PLEKHA7: variants seen among roughly 807,000 people sequenced by gnomAD.
PLEKHA7 encodes the protein pleckstrin homology domain-containing family A member 7.
In PLEKHA7, 104 loss-of-function variants were observed where a neutral mutation model predicts 170.0. That is an observed-to-expected ratio of 0.61 (90% CI 0.52 to 0.72). The LOEUF is 0.72. Among genes scored for constraint, PLEKHA7 ranks in the 30% least tolerant of loss-of-function variants. The pLI is 0.00. For synonymous variants in PLEKHA7, 648 were observed against 660.8 expected (o/e 0.98, Z 0.30); for missense variants, 1,615 against 1,671.7 (o/e 0.97, Z 0.59).
intron 3 of PLEKHA7, among the ~76,000 whole-genome samples, chr11:16,956,820 C>T (rs759263229): frequency 3.3e-5 from 5 of 152,130 alleles, no homozygotes; most frequent in East Asian, 1.9e-4. Context: ...AGGTCTCTGG[C>T]GGTTATAATG....
Position 16,851,185 on chromosome 11 carries a change from C to T in PLEKHA7, c.696+6G>A. On this transcript the variant is annotated splice_donor_region_variant and intron_variant, in intron 8 of 26. Transcript: ENST00000531066. ...AATGGCTGCATTAGAGGTGCAGGGG[C>T]AGTACCTTAAAGGAATATTTGCGGC... is the stretch of plus-strand genomic sequence containing the variant. 1.3e-6 allele frequency: 2 copies of T among 1,595,500 alleles called. No individual in the cohort carries two copies. Among genetic ancestry groups the T allele is most frequent in the Non-Finnish European group, 1.7e-6 (2 of 1,169,418 alleles).
chr11:16,810,548 C>G (rs1849298075), intron 13 of PLEKHA7, among the ~76,000 whole-genome samples: 1 of 152,198 alleles, frequency 6.6e-6, no homozygotes, highest in African/African-American at 2.4e-5. Flanking sequence ...AACTTAGCAA[C>G]CGGGGTAGCA....
At chr11:16,883,515 C>G (rs1392398063) in intron 3 of PLEKHA7, among the ~76,000 whole-genome samples, 1 of 152,174 alleles carries the variant, frequency 6.6e-6, no homozygotes, top group Non-Finnish European at 1.5e-5. Context: ...GCCTCTTTAT[C>G]TCTCACTGCT....
intron 3 of PLEKHA7, among the ~76,000 whole-genome samples, chr11:16,950,097 C>T (rs1323697329): frequency 4.6e-5 from 4 of 87,054 alleles, no homozygotes; most frequent in East Asian, 5.4e-4. Context: ...GGGGCGGGGG[C>T]GGAGCACAGA....
At chr11:16,830,306 A>T (rs1398856574) in intron 9 of PLEKHA7, among the ~76,000 whole-genome samples, 1 of 152,096 alleles carries the variant, frequency 6.6e-6, no homozygotes, top group Non-Finnish European at 1.5e-5. Flanking sequence ...TATTTCTCAC[A>T]TCCAGGAAAC....
At chr11:16,794,850 ACCCT>A in intron 18 of PLEKHA7, 56 bp downstream of exon 18, 2 of 1,182,722 alleles carry the variant, frequency 1.7e-6, no homozygotes, top group Non-Finnish European at 1.2e-6. Flanking sequence ...CCAGCCTTCC[ACCCT>A]CCCACCACCC....
At chr11:17,006,149 C>A (rs1047765176) in intron 3 of PLEKHA7, among the ~76,000 whole-genome samples, 5 of 151,698 alleles carry the variant, frequency 3.3e-5, no homozygotes, top group African/African-American at 4.8e-5. Flanking sequence ...GGCGGGTGGA[C>A]AGCCTGAGGT....
At chr11:16,891,369 G>A (rs1041006409) in intron 3 of PLEKHA7, among the ~76,000 whole-genome samples, 4 of 152,166 alleles carry the variant, frequency 2.6e-5, no homozygotes, top group African/African-American at 9.7e-5. Flanking sequence ...TGCCTCTATA[G>A]GCCAGGAATG....
intron 3 of PLEKHA7, among the ~76,000 whole-genome samples, chr11:16,876,721 A>T (rs78089595): frequency 0.028 from 4,198 of 152,340 alleles, 100 homozygotes; most frequent in African/African-American, 0.063. Flanking sequence ...ACCTACAATG[A>T]CAGACAAGGC....
intron 3 of PLEKHA7, among the ~76,000 whole-genome samples, chr11:16,999,835 T>A (rs1275664322): frequency 6.6e-6 from 1 of 152,146 alleles, no homozygotes; most frequent in Non-Finnish European, 1.5e-5. Context: ...TCAGTGTCCA[T>A]AAGAATCACC....
At chr11:16,909,095 G>A (rs1858067629) in intron 3 of PLEKHA7, among the ~76,000 whole-genome samples, 1 of 152,168 alleles carries the variant, frequency 6.6e-6, no homozygotes, top group South Asian at 2.1e-4. Flanking sequence ...TAGAGTTTCT[G>A]GGTGGATTAA....
chr11:16,970,071 T>G (rs1862617179), intron 3 of PLEKHA7, among the ~76,000 whole-genome samples: 1 of 152,174 alleles, frequency 6.6e-6, no homozygotes, highest in Non-Finnish European at 1.5e-5. Context: ...TTCAAACACT[T>G]AAAAGGTGAA....
Position 16,936,789 on chromosome 11 carries a change from C to T in PLEKHA7, c.222-65607G>A, listed in dbSNP as rs1236928613. ...GGGCTTTCTTTTCCCTAAACTCAGGCGATATTGGAATGTAGCAGCTGTCAG... is the reference window on the plus strand; with the variant it reads ...GGGCTTTCTTTTCCCTAAACTCAGGTGATATTGGAATGTAGCAGCTGTCAG... On this transcript the variant is annotated intron_variant, in intron 3 of 26. Transcript: ENST00000531066. Among the ~76,000 whole-genome samples, 11 of 152,330 alleles carry T rather than the reference C, an allele frequency of 7.2e-5. No individual in the cohort carries two copies. The East Asian group carries it at 2.1e-3, about 29-fold the overall frequency.
intron 3 of PLEKHA7, among the ~76,000 whole-genome samples, chr11:16,987,682 C>G (rs1031718377): frequency 6.6e-6 from 1 of 152,180 alleles, no homozygotes; most frequent in African/African-American, 2.4e-5. Flanking sequence ...GTAACCTTTG[C>G]CTGCTCCTTT....
intron 3 of PLEKHA7, among the ~76,000 whole-genome samples, chr11:16,968,897 C>T (rs547084822): frequency 3.3e-5 from 5 of 152,160 alleles, no homozygotes; most frequent in Non-Finnish European, 7.3e-5. Context: ...TCTAATATGC[C>T]CCCCATACCC....
chr11:16,813,183 G>A lies in PLEKHA7; in HGVS notation c.1954-17C>T. 3 of 1,611,362 alleles carry A rather than the reference G, an allele frequency of 1.9e-6. No homozygotes were observed. Among genetic ancestry groups the A allele is most frequent in the East Asian group, 4.5e-5 (2 of 44,810 alleles). ...ATCATCAGCCTTCAAATGAAGCAGAGAGGAAAAAACACAGTTATGAACACC... is the reference window on the plus strand; with the variant it reads ...ATCATCAGCCTTCAAATGAAGCAGAAAGGAAAAAACACAGTTATGAACACC... On this transcript the variant is annotated splice_polypyrimidine_tract_variant and intron_variant, in intron 12 of 26. Transcript: ENST00000531066.
At chr11:16,908,954 C>T (rs576346935) in intron 3 of PLEKHA7, among the ~76,000 whole-genome samples, 1 of 152,266 alleles carries the variant, frequency 6.6e-6, no homozygotes, top group Non-Finnish European at 1.5e-5. Context: ...GAAATCAGTA[C>T]AACAGAGCTG....
At chr11:16,888,402 G>A (rs118056580) in intron 3 of PLEKHA7, among the ~76,000 whole-genome samples, 6 of 140,670 alleles carry the variant, frequency 4.3e-5, no homozygotes, top group South Asian at 2.3e-4. Context: ...TTGAGTAGAC[G>A]GGGGGGAAAT....
chr11:17,005,013 T>C (rs1328923026), intron 3 of PLEKHA7, among the ~76,000 whole-genome samples: 9 of 152,174 alleles, frequency 5.9e-5, no homozygotes, highest in Non-Finnish European at 1.2e-4. Flanking sequence ...CCTCTGAAGA[T>C]AGAAAACAAG....
Sources: allele counts gnomAD v4.1 joint callset (sites outside exome capture counted in the v4.1 genomes callset), GRCh38; gene constraint gnomAD v4.1.1; transcripts MANE v1.5; gene names NCBI Gene and HGNC (gene_info 2026-07-23, HGNC 2026-07-21).